Variants in ASB4 observed in about 807,000 individuals in gnomAD.
ASB4 encodes the protein ankyrin repeat and SOCS box protein 4.
In ASB4, 35 loss-of-function variants were observed where a neutral mutation model predicts 38.6. That is an observed-to-expected ratio of 0.91 (90% CI 0.69 to 1.20). The LOEUF (loss-of-function observed/expected upper bound fraction) is 1.20. ASB4 is among the 50% of genes most tolerant of loss of function. The pLI, the probability that ASB4 is intolerant of heterozygous loss-of-function variation, is 0.00. For synonymous variants in ASB4, 195 were observed against 201.3 expected, an observed-to-expected ratio of 0.97 and a Z score of 0.26; for missense variants, 557 against 527.2, an observed-to-expected ratio of 1.06 and a Z score of -0.55.
intron 2 of ASB4, among the ~76,000 whole-genome samples, chr7:95,499,381 A>G (rs1790298183): frequency 6.6e-6 from 1 of 152,246 alleles, no homozygotes; most frequent in African/African-American, 2.4e-5. Flanking sequence ...AGATATACTG[A>G]TAAGTAAAAT....
chr7:95,547,406 GT>G, the ASB4 span, among the ~76,000 whole-genome samples: 1 of 152,138 alleles, frequency 6.6e-6, no homozygotes, highest in Non-Finnish European at 1.5e-5. Context: ...ATATTCTTAT[GT>G]GTTTGGCTTC....
At chr7:95,495,306 G>T (rs368653439) in intron 1 of ASB4, among the ~76,000 whole-genome samples, 1 of 152,024 alleles carries the variant, frequency 6.6e-6, no homozygotes. Flanking sequence ...ATTTTGGATA[G>T]AATAAAAATT....
In ASB4 at chr7:95,489,005, C is replaced by G. The variant is rs542044063; in HGVS notation, c.187+2847C>G. 7.2e-5 allele frequency among the ~76,000 whole-genome samples: 11 copies of G among 152,306 alleles called. No homozygotes were observed. In the South Asian group the frequency reaches 2.3e-3, roughly 32 times the overall value. On this transcript the variant is annotated intron_variant, in intron 1 of 4. Coordinates refer to ENST00000325885, the MANE Select transcript of ASB4 (RefSeq NM_016116.3). ...TATAGAAAGTGAAAAGTAGTACAAT[C>G]AATTCTAAACCATTCTTATTTATTT...
upstream of ASB4, among the ~76,000 whole-genome samples, chr7:95,485,408 T>C (rs557332061): frequency 1.6e-4 from 25 of 152,248 alleles, no homozygotes; most frequent in African/African-American, 5.5e-4. Flanking sequence ...GCTTTTCATA[T>C]TAAAATTTTT....
intron 1 of ASB4, among the ~76,000 whole-genome samples, chr7:95,493,238 A>G (rs1266097266): frequency 6.6e-6 from 1 of 152,210 alleles, no homozygotes; most frequent in East Asian, 1.9e-4. Context: ...TCCTCAGTCC[A>G]TTAGACCTTA....
intron 2 of ASB4, among the ~76,000 whole-genome samples, chr7:95,501,255 T>A (rs530881871): frequency 1.3e-5 from 2 of 152,240 alleles, no homozygotes; most frequent in Non-Finnish European, 2.9e-5. Flanking sequence ...CCATAAAAAT[T>A]CAAATGTTTC....
intron 1 of ASB4, among the ~76,000 whole-genome samples, chr7:95,492,462 G>A (rs995086869): frequency 8.5e-5 from 13 of 152,170 alleles, no homozygotes; most frequent in Admixed American, 7.2e-4. Context: ...ACTGCATTGC[G>A]GGTATTCTGA....
the ASB4 span, among the ~76,000 whole-genome samples, chr7:95,547,970 T>C: frequency 6.6e-6 from 1 of 152,244 alleles, no homozygotes; most frequent in African/African-American, 2.4e-5. Flanking sequence ...TTTCTATGTA[T>C]ATATAACCTA....
At chr7:95,520,782 G>A (rs1173418754) in intron 2 of ASB4, among the ~76,000 whole-genome samples, 1 of 151,964 alleles carries the variant, frequency 6.6e-6, no homozygotes, top group Non-Finnish European at 1.5e-5. Context: ...TCTGTAGGTA[G>A]GTCTGTTTCT....
At chr7:95,537,466 A>G (rs752758293) in intron 4 of ASB4, 105 bp from the exon 5 acceptor site, 16 of 977,524 alleles carry the variant, frequency 1.6e-5, no homozygotes, top group Admixed American at 4.9e-5. Context: ...TAGAGACCCT[A>G]GGAAGCTGCC....
intron 2 of ASB4, among the ~76,000 whole-genome samples, chr7:95,514,505 A>G (rs946579787): frequency 2.0e-5 from 3 of 152,010 alleles, no homozygotes; most frequent in African/African-American, 7.3e-5. Flanking sequence ...TGGACAGACA[A>G]CCCCTCCAAG....
intron 2 of ASB4, among the ~76,000 whole-genome samples, chr7:95,524,493 A>G: frequency 8.6e-6 from 1 of 116,494 alleles, no homozygotes; most frequent in African/African-American, 3.8e-5. Context: ...TGGCTTTACA[A>G]TAATTAAAAA....
chr7:95,502,113 AAAAG>A lies in ASB4; in HGVS notation c.487+6058_487+6061del, dbSNP rs1328480710. ...AGTAATGAGGCTAACAACTAAAAAA[AAAAG>A]AGAGAGAAAGAGGTAAAAAAAGAAA... is the stretch of plus-strand genomic sequence containing the variant. On this transcript the variant is annotated intron_variant, in intron 2 of 4. Transcript: ENST00000325885. Among the ~76,000 whole-genome samples, 85 of 152,022 alleles carry A rather than the reference AAAAG, an allele frequency of 5.6e-4. 1 individual carries two copies. The highest frequency in any genetic ancestry group is 8.8e-5 in the Non-Finnish European group (6 of 68,024).
intron 2 of ASB4, among the ~76,000 whole-genome samples, chr7:95,515,169 CTTTCTTTCTTTCTTTCTTTCTT>C (rs1790540698): frequency 1.5e-3 from 82 of 56,342 alleles, no homozygotes; most frequent in African/African-American, 3.0e-3. Flanking sequence ...TTCTCTTTCT[CTTTCTTTCTTTCTTTCTTTCTT>C]TCTTTCTTTC....
chr7:95,505,998 G>T (rs1225251544), intron 2 of ASB4, among the ~76,000 whole-genome samples: 1 of 152,014 alleles, frequency 6.6e-6, no homozygotes, highest in Non-Finnish European at 1.5e-5. Context: ...GGCTCAAGCA[G>T]TCCTCCCACC....
chr7:95,497,469 G>A (rs1483148404), intron 2 of ASB4, among the ~76,000 whole-genome samples: 1 of 152,182 alleles, frequency 6.6e-6, no homozygotes, highest in African/African-American at 2.4e-5. Flanking sequence ...TTAGTAAATA[G>A]GCAGATAGTG....
intron 2 of ASB4, among the ~76,000 whole-genome samples, chr7:95,513,627 T>C (rs1310680361): frequency 1.3e-5 from 2 of 152,124 alleles, no homozygotes; most frequent in Admixed American, 6.6e-5. Context: ...TCCAGAATAT[T>C]GTTTGACCAA....
the ASB4 span, chr7:95,472,119 G>C: frequency 3.3e-5 from 5 of 152,174 alleles, no homozygotes; most frequent in Non-Finnish European, 5.9e-5. Flanking sequence ...ATGACACTAG[G>C]TGGGGGCTCA....
chr7:95,531,650 C>A (rs1222108761), intron 3 of ASB4, among the ~76,000 whole-genome samples: 1 of 152,140 alleles, frequency 6.6e-6, no homozygotes, highest in Non-Finnish European at 1.5e-5. Context: ...TTTACTATAG[C>A]AGTCTTCCCA....
Sources: allele counts gnomAD v4.1 joint callset (sites outside exome capture counted in the v4.1 genomes callset), GRCh38; gene constraint gnomAD v4.1.1; transcripts MANE v1.5; gene names NCBI Gene and HGNC (gene_info 2026-07-23, HGNC 2026-07-21).